The following VPS4A variants were observed in gnomAD, a reference collection of about 807,000 sequenced individuals.
The protein encoded by VPS4A is vacuolar protein sorting-associated protein 4A.
Under a neutral mutation model 52.3 loss-of-function variants are expected in VPS4A, and 20 were observed. The ratio of observed to expected loss-of-function variants is 0.38; its 90% CI spans 0.27 to 0.56. The LOEUF is 0.56. Among genes scored for constraint, VPS4A ranks in the 20% least tolerant of loss-of-function variants. The pLI is 0.72. For missense variants in VPS4A, 419 were observed against 575.9 expected, an observed-to-expected ratio of 0.73 and a Z score of 2.79; for synonymous variants, 293 against 227.7, an observed-to-expected ratio of 1.29 and a Z score of -2.58.
At chr16:69,318,550 TC>T in intron 3 of VPS4A, 99 bp from the exon 4 acceptor site, 2 of 1,344,256 alleles carry the variant, frequency 1.5e-6, no homozygotes, top group Middle Eastern at 2.2e-4. Context: ...AAGGCTTCGT[TC>T]CTTAACCAGT....
intron 9 of VPS4A, 29 bp from the exon 10 acceptor site, chr16:69,322,531 C>T (rs774543306): frequency 4.4e-6 from 7 of 1,592,958 alleles, no homozygotes; most frequent in Non-Finnish European, 5.1e-6. Flanking sequence ...TGAGGGGCAG[C>T]TGCCCCAGTC....
intron 3 of VPS4A, among the ~76,000 whole-genome samples, chr16:69,316,916 A>T (rs1965444160): frequency 6.6e-6 from 1 of 152,140 alleles, no homozygotes; most frequent in Admixed American, 6.5e-5. Flanking sequence ...GGTGGCCCCG[A>T]TTCCCCAGCC....
chr16:69,313,160 T>G (rs1172186238), intron 1 of VPS4A, among the ~76,000 whole-genome samples: 1 of 151,788 alleles, frequency 6.6e-6, no homozygotes, highest in Non-Finnish European at 1.5e-5. Flanking sequence ...TTTTTGTATT[T>G]TTAGTAGAGA....
intron 1 of VPS4A, 109 bp downstream of exon 1, chr16:69,311,641 C>T (rs1222032922): frequency 9.0e-7 from 1 of 1,105,878 alleles, no homozygotes; most frequent in Admixed American, 4.5e-5. Flanking sequence ...CAGCCCCGGC[C>T]TCGCGACCCC....
chr16:69,324,374 A>G lies in VPS4A; in HGVS notation c.*65A>G. 2.0e-6 allele frequency: 3 copies of G among 1,503,568 alleles called. No individual in the cohort carries two copies. Among genetic ancestry groups the G allele is most frequent in the South Asian group, 1.2e-5 (1 of 85,162 alleles). The allele number at this position is 1,503,568 out of a possible 1,614,324, so 93.1% of individuals were successfully genotyped here. On this transcript the variant is annotated 3_prime_UTR_variant, in exon 11 of 11. Transcript: ENST00000254950. ...ATTGGGGCAAATCCAGGCACTCCCC[A>G]TGTCAACAGCCAGACAGGGCTCCAG...
chr16:69,316,453 A>G (rs901628759), intron 3 of VPS4A, 81 bp downstream of exon 3: 9 of 1,561,824 alleles, frequency 5.8e-6, no homozygotes, highest in Admixed American at 1.8e-5. Context: ...GCTGCCTTGG[A>G]CTTCCCTGTG....
chr16:69,318,928 C>T lies in VPS4A; in HGVS notation c.449C>T (p.Pro150Leu). The change falls in exon 5 of 11, where the codon CCA becomes CTA. Residue 150 changes from proline to leucine, a missense_variant. Physicochemically the swap from Pro to Leu is moderately conservative, Grantham distance 98 (BLOSUM62 -3). This residue lies in a region of VPS4A where 103 missense variants were observed against 210.3 expected (regional missense o/e 0.49). Transcript: ENST00000254950. ...GCTGTCATTTTGCCAATCAAATTCC[C>T]ACACTTGTTCACAGGTGAGAGTTGA... Reference protein sequence around the residue: ...KEAVILPIKFPHLFTGKRTPW... With the variant: ...KEAVILPIKFLHLFTGKRTPW... 3 of 1,613,390 alleles carry T rather than the reference C, an allele frequency of 1.9e-6. No individual in the cohort carries two copies. The highest frequency in any genetic ancestry group is 2.5e-6 in the Non-Finnish European group (3 of 1,179,798).
chr16:69,318,826 C>T lies in VPS4A; in HGVS notation c.347C>T (p.Ala116Val). 1 of 1,612,914 alleles carries T rather than the reference C, an allele frequency of 6.2e-7. No individual in the cohort carries two copies. Among genetic ancestry groups the T allele is most frequent in the Non-Finnish European group, 8.5e-7 (1 of 1,179,472 alleles). The part of the protein sequence containing the change: ...KKKLQEQLMG[A>V]VVMEKPNIRW... ...CGGGCCGGCCTCCCTCTCGCAGGTG[C>T]CGTCGTGATGGAGAAGCCCAACATA... The change falls in exon 5 of 11, where the codon GCC becomes GTC. Residue 116 changes from alanine to valine, a missense_variant. Ala to Val is a moderately conservative substitution (Grantham distance 64, BLOSUM62 0). Around this residue, in one of 3 missense-constraint regions of VPS4A, gnomAD observed 131 missense variants for 165.4 expected, o/e 0.79. Coordinates refer to ENST00000254950, the MANE Select transcript of VPS4A (RefSeq NM_013245.3).
rs1048018845 is a variant in VPS4A, at chr16:69,311,425, C to A, written c.-87C>A. On this transcript the variant is annotated 5_prime_UTR_variant, in exon 1 of 11. Coordinates refer to ENST00000254950, the MANE Select transcript of VPS4A (RefSeq NM_013245.3). ...GCTCAGCGCCCACCGCCGGGCTTCC[C>A]GCGCCGGACCCAGTACCTCGGCTCC... 1 of 1,217,162 alleles carries A rather than the reference C, an allele frequency of 8.2e-7. No homozygotes were observed. The highest frequency in any genetic ancestry group is 2.3e-4 in the Middle Eastern group (1 of 4,342). The allele number at this position is 1,217,162 out of a possible 1,614,324, so 75.4% of individuals were successfully genotyped here.
intron 9 of VPS4A, 197 bp from the exon 10 acceptor site, chr16:69,322,363 T>C (rs941094200): frequency 3.8e-5 from 19 of 504,484 alleles, no homozygotes; most frequent in Non-Finnish European, 3.8e-5. Flanking sequence ...ATCAAGGCAT[T>C]GGGGCTACAG....
chr16:69,320,902 C>A lies in VPS4A; in HGVS notation c.851+133C>A. On this transcript the variant is annotated intron_variant, in intron 8 of 10. Transcript: ENST00000254950. This position sits in a 1 kb window ranked among gnomAD's most constrained non-coding sequence, Gnocchi z 4.2. ...CTTCCCGTCTGCCTGCCAAGCAGAGCCCTTTGTGAGGCTGGCTTGTTGAGG... is the reference window on the plus strand; with the variant it reads ...CTTCCCGTCTGCCTGCCAAGCAGAGACCTTTGTGAGGCTGGCTTGTTGAGG... 1 of 1,229,030 alleles carries A rather than the reference C, an allele frequency of 8.1e-7. No homozygotes were observed. The allele number at this position is 1,229,030 out of a possible 1,614,324, so 76.1% of individuals were successfully genotyped here.
chr16:69,319,353 C>A, intron 5 of VPS4A, 34 bp from the exon 6 acceptor site: 1 of 1,610,818 alleles, frequency 6.2e-7, no homozygotes, highest in South Asian at 1.1e-5. Flanking sequence ...TTTCCCCAGT[C>A]AGGAGGCCTA....
intron 1 of VPS4A, among the ~76,000 whole-genome samples, chr16:69,315,328 C>T (rs1184728898): frequency 6.6e-6 from 1 of 152,228 alleles, no homozygotes; most frequent in African/African-American, 2.4e-5. Flanking sequence ...CAGAGGGACA[C>T]AGTTCTCTTC....
rs540499226 is a variant in VPS4A, at chr16:69,324,792, C to T, written c.*483C>T. ...TCCTTGAGAGCAGATTGGCTGATGCCCCTGCAACCCCAGCCCAAGCTCTGC... is the reference window on the plus strand; with the variant it reads ...TCCTTGAGAGCAGATTGGCTGATGCTCCTGCAACCCCAGCCCAAGCTCTGC... On this transcript the variant is annotated 3_prime_UTR_variant, in exon 11 of 11. Coordinates refer to ENST00000254950, the MANE Select transcript of VPS4A (RefSeq NM_013245.3). 1 of 183,962 alleles carries T rather than the reference C, an allele frequency of 5.4e-6. No homozygotes were observed. The highest frequency in any genetic ancestry group is 2.3e-5 in the African/African-American group (1 of 43,092). 11.4% of individuals were successfully genotyped at this position (183,962 alleles called of 1,614,324 possible).
chr16:69,312,246 A>T (rs939704695), intron 1 of VPS4A, among the ~76,000 whole-genome samples: 9 of 151,698 alleles, frequency 5.9e-5, no homozygotes, highest in Non-Finnish European at 1.0e-4. Context: ...AATGCCCTCT[A>T]GGTTGTTGTG....
chr16:69,323,708 G>C (rs1014176587), intron 10 of VPS4A: 3 of 454,198 alleles, frequency 6.6e-6, no homozygotes, highest in Non-Finnish European at 1.3e-5. Flanking sequence ...CCAGCACTTC[G>C]GGAGGCCGAG....
At chr16:69,314,082 C>T (rs1381434634) in intron 1 of VPS4A, among the ~76,000 whole-genome samples, 6 of 150,524 alleles carry the variant, frequency 4.0e-5, no homozygotes, top group Non-Finnish European at 8.9e-5. Flanking sequence ...TCTCCTGCCT[C>T]AGCCTCCCAA....
Position 69,322,648 on chromosome 16 carries a change from T to G in VPS4A, c.1160T>G (p.Met387Arg). 6.2e-7 allele frequency: 1 copy of G among 1,613,886 alleles called. No individual in the cohort carries two copies. Among genetic ancestry groups the G allele is most frequent in the South Asian group, 1.1e-5 (1 of 91,064 alleles). Residue 387 changes from methionine to arginine, a missense_variant, in exon 10 of 11, where the codon ATG (methionine) becomes AGG (arginine). This residue lies in a region of VPS4A where 185 missense variants were observed against 200.2 expected (regional missense o/e 0.92). Coordinates refer to ENST00000254950, the MANE Select transcript of VPS4A (RefSeq NM_013245.3). ...CSPGDPGAME[M>R]TWMDVPGDKL... The stretch of plus-strand genomic sequence containing the variant: ...CCAGGGGACCCAGGAGCCATGGAGA[T>G]GACTTGGATGGATGTCCCTGGGGAC...
At chr16:69,318,267 C>A (rs1965463285) in intron 3 of VPS4A, among the ~76,000 whole-genome samples, 1 of 152,172 alleles carries the variant, frequency 6.6e-6, no homozygotes, top group Admixed American at 6.5e-5. Flanking sequence ...GCCACCGCAC[C>A]CAGCCTGGGC....
Sources: allele counts gnomAD v4.1 joint callset (sites outside exome capture counted in the v4.1 genomes callset), GRCh38; gene constraint gnomAD v4.1.1; regional missense constraint gnomAD v4.1.1; non-coding constraint Gnocchi (gnomAD v3.1); transcripts MANE v1.5; gene names NCBI Gene and HGNC (gene_info 2026-07-23, HGNC 2026-07-21).